Variants in RBFOX1 observed in about 807,000 individuals in gnomAD.
The protein encoded by RBFOX1 is RNA binding protein fox-1 homolog 1.
RBFOX1 carries 8 observed loss-of-function variants against 57.7 expected under a neutral mutation model. The ratio of observed to expected loss-of-function variants is 0.14; its 90% CI spans 0.08 to 0.25. The LOEUF is 0.25. Ranked by LOEUF, RBFOX1 falls within the 10% of genes least tolerant of loss-of-function variation. RBFOX1 has a pLI of 1.00. For synonymous variants in RBFOX1, 326 were observed against 222.4 expected, an observed-to-expected ratio of 1.47 and a Z score of -4.15; for missense variants, 611 against 548.5, an observed-to-expected ratio of 1.11 and a Z score of -1.14.
chr16:7,062,253 G>A (rs537870628), intron 4 of RBFOX1, among the ~76,000 whole-genome samples: 4 of 143,282 alleles, frequency 2.8e-5, no homozygotes, highest in Non-Finnish European at 6.0e-5. Context: ...GAGATCATGA[G>A]GTTGCAGTGA....
At chr16:6,567,469 G>T (rs1330125625) in intron 2 of RBFOX1, among the ~76,000 whole-genome samples, 2 of 152,180 alleles carry the variant, frequency 1.3e-5, no homozygotes, top group African/African-American at 2.4e-5. Context: ...TCTCATGAGA[G>T]AGGCCTTTCT....
intron 3 of RBFOX1, among the ~76,000 whole-genome samples, chr16:5,719,982 C>A (rs1287339458): frequency 6.6e-6 from 1 of 151,914 alleles, no homozygotes; most frequent in Non-Finnish European, 1.5e-5. Context: ...ATTTGAGGAA[C>A]CACCAATCTG....
At chr16:7,330,828 G>C (rs1308909940) in intron 4 of RBFOX1, among the ~76,000 whole-genome samples, 3 of 152,216 alleles carry the variant, frequency 2.0e-5, no homozygotes, top group Middle Eastern at 6.8e-3. Flanking sequence ...CTCCCCTCCT[G>C]TTGATTGCTA....
At chr16:7,017,744 C>T (rs548732592) in intron 3 of RBFOX1, among the ~76,000 whole-genome samples, 33 of 152,186 alleles carry the variant, frequency 2.2e-4, no homozygotes, top group African/African-American at 7.7e-4. Context: ...CTGTGACAGG[C>T]CAACTTCCAA....
At chr16:5,516,716 G>C (rs1320400322) in intron 2 of RBFOX1, among the ~76,000 whole-genome samples, 1 of 152,070 alleles carries the variant, frequency 6.6e-6, no homozygotes, top group Admixed American at 6.5e-5. Context: ...GAGTCATGGG[G>C]GTGGGTTTTT....
intron 1 of RBFOX1, among the ~76,000 whole-genome samples, chr16:6,180,321 G>T (rs1258549370): frequency 2.0e-5 from 3 of 151,856 alleles, no homozygotes; most frequent in Non-Finnish European, 4.4e-5. Flanking sequence ...GGCTTATTCA[G>T]ATTTTCTATT....
chr16:6,840,812 G>T (rs905966676), intron 3 of RBFOX1, among the ~76,000 whole-genome samples: 2 of 151,462 alleles, frequency 1.3e-5, no homozygotes, highest in Admixed American at 6.6e-5. Context: ...GCTTGATCCT[G>T]GGAGGTGGAG....
chr16:6,968,744 C>A (rs1365514121), intron 3 of RBFOX1, among the ~76,000 whole-genome samples: 6 of 152,148 alleles, frequency 3.9e-5, no homozygotes, highest in Non-Finnish European at 7.4e-5. Context: ...TCCCTCCTCT[C>A]CCTCCTCTTT....
At chr16:5,795,755 AC>A (rs1329442253) in intron 3 of RBFOX1, among the ~76,000 whole-genome samples, 1 of 151,934 alleles carries the variant, frequency 6.6e-6, no homozygotes, top group African/African-American at 2.4e-5. Flanking sequence ...ATCCCTCCTA[AC>A]TTTTGACTTT....
At chr16:6,603,677 T>C (rs963268665) in intron 2 of RBFOX1, among the ~76,000 whole-genome samples, 8 of 152,182 alleles carry the variant, frequency 5.3e-5, no homozygotes, top group Admixed American at 2.6e-4. Flanking sequence ...AGTGTGAACA[T>C]TGAGGATCCT....
intron 3 of RBFOX1, among the ~76,000 whole-genome samples, chr16:6,876,627 T>C (rs1410848720): frequency 6.6e-6 from 1 of 152,154 alleles, no homozygotes; most frequent in Non-Finnish European, 1.5e-5. Context: ...GACTTGTATC[T>C]ATTTTTTTTT....
intron 3 of RBFOX1, among the ~76,000 whole-genome samples, chr16:5,746,154 T>C (rs994913919): frequency 3.9e-5 from 6 of 152,230 alleles, no homozygotes; most frequent in Non-Finnish European, 7.3e-5. Flanking sequence ...GCTTTCTCTA[T>C]ATGGCTAGCC....
chr16:6,224,067 G>C (rs2097397863), intron 1 of RBFOX1, among the ~76,000 whole-genome samples: 1 of 151,988 alleles, frequency 6.6e-6, no homozygotes. Flanking sequence ...CTATATCTCT[G>C]TTTTGGTACC....
chr16:6,144,381 A>G (rs1278079217), intron 1 of RBFOX1, among the ~76,000 whole-genome samples: 2 of 152,124 alleles, frequency 1.3e-5, no homozygotes, highest in African/African-American at 4.8e-5. Flanking sequence ...CTAACACATC[A>G]TTCTCCTCAA....
intron 1 of RBFOX1, among the ~76,000 whole-genome samples, chr16:5,323,506 GCCTCA>G (rs1428102091): frequency 1.3e-5 from 2 of 152,224 alleles, no homozygotes; most frequent in Non-Finnish European, 2.9e-5. Flanking sequence ...CAGCGGCCTT[GCCTCA>G]TTGTCTCTGC....
chr16:6,607,039 T>C (rs940083975), intron 2 of RBFOX1, among the ~76,000 whole-genome samples: 1 of 152,196 alleles, frequency 6.6e-6, no homozygotes, highest in Non-Finnish European at 1.5e-5. Flanking sequence ...GACTTTTTAA[T>C]AATCGCCAAA....
At chr16:7,073,249 C>G (rs749378008) in intron 4 of RBFOX1, among the ~76,000 whole-genome samples, 3 of 152,134 alleles carry the variant, frequency 2.0e-5, no homozygotes, top group Non-Finnish European at 1.5e-5. Flanking sequence ...GTGACTGAGA[C>G]TATTTTACCT....
chr16:5,389,965 C>G (rs2066359801), intron 1 of RBFOX1, among the ~76,000 whole-genome samples: 1 of 152,078 alleles, frequency 6.6e-6, no homozygotes, highest in African/African-American at 2.4e-5. Context: ...TCCCAAAGTG[C>G]TGGGATTACA....
intron 1 of RBFOX1, among the ~76,000 whole-genome samples, chr16:6,021,864 C>G (rs991306416): frequency 6.6e-6 from 1 of 152,156 alleles, no homozygotes; most frequent in Non-Finnish European, 1.5e-5. Flanking sequence ...ACTTAAAGCA[C>G]TAAACATTTA....
Sources: gnomAD v4.1 joint callset for allele counts (sites outside exome capture counted in the v4.1 genomes callset) on GRCh38, gnomAD v4.1.1 for gene constraint, MANE v1.5 for transcripts, NCBI Gene and HGNC (gene_info 2026-07-23, HGNC 2026-07-21) for gene names.